Variants in TMEM132C observed in about 807,000 individuals in gnomAD.
TMEM132C encodes the protein transmembrane protein 132C.
In TMEM132C, 29 loss-of-function variants were observed where a neutral mutation model predicts 61.4. The ratio of observed to expected loss-of-function variants is 0.47; its 90% CI spans 0.35 to 0.64. TMEM132C has a LOEUF of 0.64. TMEM132C is among the 30% of genes least tolerant of loss of function. The pLI is 0.00. For missense variants in TMEM132C, 1,408 were observed against 1,476.9 expected, an observed-to-expected ratio of 0.95 and a Z score of 0.76; for synonymous variants, 656 against 633.1, an observed-to-expected ratio of 1.04 and a Z score of -0.54.
At chr12:128,448,570 C>G (rs1593057251) in intron 2 of TMEM132C, among the ~76,000 whole-genome samples, 4 of 152,252 alleles carry the variant, frequency 2.6e-5, no homozygotes, top group Admixed American at 2.6e-4. Context: ...GGGATTGGAA[C>G]TGGTATAACA....
At chr12:128,546,254 C>A (rs970230765) in intron 3 of TMEM132C, among the ~76,000 whole-genome samples, 1 of 152,146 alleles carries the variant, frequency 6.6e-6, no homozygotes, top group African/African-American at 2.4e-5. Flanking sequence ...TTGTTCCAAG[C>A]AGGAGATCAG....
At chr12:128,697,121 C>A in intron 7 of TMEM132C, 103 bp from the exon 8 acceptor site, 2 of 1,049,970 alleles carry the variant, frequency 1.9e-6, no homozygotes, top group South Asian at 1.8e-5. Flanking sequence ...GCCCTGTATT[C>A]TGGACCTCAG....
At chr12:128,603,740 G>C (rs1214955708) in intron 3 of TMEM132C, among the ~76,000 whole-genome samples, 2 of 152,152 alleles carry the variant, frequency 1.3e-5, no homozygotes, top group Non-Finnish European at 2.9e-5. Flanking sequence ...GTGCGGTAAA[G>C]AAGCTCAGTT....
At chr12:128,586,747 C>T (rs138409275) in intron 3 of TMEM132C, among the ~76,000 whole-genome samples, 1 of 152,292 alleles carries the variant, frequency 6.6e-6, no homozygotes, top group East Asian at 1.9e-4. Flanking sequence ...TTACATAAAG[C>T]CGATTTAAAC....
At chr12:128,424,046 C>CA (rs144980387) in intron 2 of TMEM132C, among the ~76,000 whole-genome samples, 47,244 of 72,544 alleles carry the variant, frequency 0.65, 15,828 homozygotes, top group Non-Finnish European at 0.73. Flanking sequence ...GACTCTGTCT[C>CA]AAAAAAAAAA....
chr12:128,267,700 C>T (rs1308383183), intron 1 of TMEM132C, among the ~76,000 whole-genome samples: 1 of 152,142 alleles, frequency 6.6e-6, no homozygotes, highest in African/African-American at 2.4e-5. Context: ...TAGGCTGGTC[C>T]CGAGTCCCGA....
At chr12:128,460,318 C>T (rs1437756489) in intron 2 of TMEM132C, among the ~76,000 whole-genome samples, 1 of 152,190 alleles carries the variant, frequency 6.6e-6, no homozygotes, top group Non-Finnish European at 1.5e-5. Flanking sequence ...CTGCTTTCTT[C>T]TGTGATGGCT....
chr12:128,580,203 C>G (rs1875278589), intron 3 of TMEM132C, among the ~76,000 whole-genome samples: 1 of 152,026 alleles, frequency 6.6e-6, no homozygotes, highest in Admixed American at 6.6e-5. Context: ...AATAGCCTGG[C>G]AGATAGATCG....
intron 2 of TMEM132C, among the ~76,000 whole-genome samples, chr12:128,539,693 C>G (rs183157087): frequency 1.3e-5 from 2 of 152,294 alleles, no homozygotes; most frequent in Admixed American, 1.3e-4. Flanking sequence ...TGGAAATAAT[C>G]TCCCCTTTCA....
At chr12:128,360,996 A>G (rs1257451223) in intron 1 of TMEM132C, among the ~76,000 whole-genome samples, 1 of 152,182 alleles carries the variant, frequency 6.6e-6, no homozygotes, top group Non-Finnish European at 1.5e-5. Context: ...AGCTCCTACT[A>G]TGTGCTTAGC....
intron 4 of TMEM132C, among the ~76,000 whole-genome samples, chr12:128,668,400 G>A (rs953727346): frequency 6.6e-6 from 1 of 152,146 alleles, no homozygotes; most frequent in Non-Finnish European, 1.5e-5. Flanking sequence ...TCAGGTACAT[G>A]AGCCAATAAA....
chr12:128,680,356 C>T lies in TMEM132C; in HGVS notation c.1449+10796C>T, dbSNP rs1954625134. Reference sequence around the variant, plus strand: ...GGATTCGAACTCAGGTCTGCCTGATCACCAAGCCCACATGGCCTCAGATTC... The same window carrying T: ...GGATTCGAACTCAGGTCTGCCTGATTACCAAGCCCACATGGCCTCAGATTC... On this transcript the variant is annotated intron_variant, in intron 5 of 8. Transcript: ENST00000435159. 2.0e-5 allele frequency among the ~76,000 whole-genome samples: 3 copies of T among 152,226 alleles called. No individual in the cohort carries two copies. The South Asian group carries it at 6.2e-4, about 32-fold the overall frequency.
chr12:128,287,255 G>A (rs1566042818), intron 1 of TMEM132C, among the ~76,000 whole-genome samples: 1 of 152,084 alleles, frequency 6.6e-6, no homozygotes, highest in Non-Finnish European at 1.5e-5. Context: ...GAGAACCTCT[G>A]GTTTAAATCC....
intron 2 of TMEM132C, among the ~76,000 whole-genome samples, chr12:128,494,351 T>C (rs144526501): frequency 6.8e-4 from 104 of 152,340 alleles, no homozygotes; most frequent in Middle Eastern, 3.4e-3. Context: ...ATCAGGATGA[T>C]GCTGGCCTCA....
At chr12:128,503,614 A>G (rs1042622536) in intron 2 of TMEM132C, among the ~76,000 whole-genome samples, 1 of 152,270 alleles carries the variant, frequency 6.6e-6, no homozygotes, top group Non-Finnish European at 1.5e-5. Context: ...AGCAATAGCT[A>G]ATGCTTATGG....
At chr12:128,513,370 G>T (rs1444446406) in intron 2 of TMEM132C, among the ~76,000 whole-genome samples, 1 of 152,054 alleles carries the variant, frequency 6.6e-6, no homozygotes, top group East Asian at 1.9e-4. Flanking sequence ...AAATCACCTT[G>T]GTTAATATGC....
intron 2 of TMEM132C, among the ~76,000 whole-genome samples, chr12:128,434,999 C>T (rs555803852): frequency 6.6e-6 from 1 of 152,252 alleles, no homozygotes; most frequent in East Asian, 1.9e-4. Flanking sequence ...TATTGAAGTC[C>T]TAACCTCCAG....
chr12:128,500,945 T>C (rs2136108666), intron 2 of TMEM132C, among the ~76,000 whole-genome samples: 1 of 152,258 alleles, frequency 6.6e-6, no homozygotes, highest in African/African-American at 2.4e-5. Flanking sequence ...AAATGTCTAT[T>C]AACAGAAGAA....
chr12:128,290,217 A>G (rs2135907778), intron 1 of TMEM132C, among the ~76,000 whole-genome samples: 1 of 152,294 alleles, frequency 6.6e-6, no homozygotes, highest in East Asian at 1.9e-4. Context: ...GGTATTTTAT[A>G]AAGGAAAGAG....
Sources: allele counts gnomAD v4.1 joint callset (sites outside exome capture counted in the v4.1 genomes callset), GRCh38; gene constraint gnomAD v4.1.1; transcripts MANE v1.5; gene names NCBI Gene and HGNC (gene_info 2026-07-23, HGNC 2026-07-21).